The following SLCO3A1 variants were observed in gnomAD, a reference collection of about 807,000 sequenced individuals.
SLCO3A1 encodes the protein PGE1 transporter.
SLCO3A1 carries 27 observed loss-of-function variants against 63.1 expected under a neutral mutation model. The ratio of observed to expected loss-of-function variants is 0.43; its 90% CI spans 0.32 to 0.59. The LOEUF (loss-of-function observed/expected upper bound fraction) is 0.59, where lower values mean the gene tolerates loss of function less well. SLCO3A1 is among the 20% of genes least tolerant of loss of function. The pLI is 0.09. For missense variants in SLCO3A1, 773 were observed against 945.8 expected (o/e 0.82, Z 2.40); for synonymous variants, 473 against 409.9 (o/e 1.15, Z -1.86).
chr15:92,126,871 C>G (rs771296912), intron 6 of SLCO3A1, among the ~76,000 whole-genome samples: 2 of 152,212 alleles, frequency 1.3e-5, no homozygotes, highest in African/African-American at 4.8e-5. Flanking sequence ...TAGCTGTCCC[C>G]TTTTCCACAT....
intron 2 of SLCO3A1, among the ~76,000 whole-genome samples, chr15:91,936,101 C>G (rs529665079): frequency 6.6e-6 from 1 of 152,124 alleles, no homozygotes; most frequent in African/African-American, 2.4e-5. Context: ...TTAGCTTCCT[C>G]CCAGATACAA....
intron 2 of SLCO3A1, among the ~76,000 whole-genome samples, chr15:92,078,803 TA>T (rs1474458188): frequency 1.3e-5 from 2 of 152,204 alleles, no homozygotes; most frequent in African/African-American, 4.8e-5. Context: ...AATGAGGTAG[TA>T]CATGGAATGT....
At chr15:91,959,683 C>T (rs570207777) in intron 2 of SLCO3A1, among the ~76,000 whole-genome samples, 1 of 138,514 alleles carries the variant, frequency 7.2e-6, no homozygotes, top group African/African-American at 2.8e-5. Flanking sequence ...GAGATCACGC[C>T]ACTGCACTCC....
chr15:91,931,937 C>G (rs1420938268), intron 2 of SLCO3A1, among the ~76,000 whole-genome samples: 2 of 152,110 alleles, frequency 1.3e-5, no homozygotes, highest in African/African-American at 4.8e-5. Flanking sequence ...GTGATGTGAG[C>G]ATTGAAGAGA....
At chr15:91,938,549 A>G (rs1427226468) in intron 2 of SLCO3A1, among the ~76,000 whole-genome samples, 1 of 149,886 alleles carries the variant, frequency 6.7e-6, no homozygotes, top group African/African-American at 2.5e-5. Context: ...ATATCATTAC[A>G]GTAGCTTTTT....
At chr15:91,888,627 A>G (rs1897787138) in intron 1 of SLCO3A1, among the ~76,000 whole-genome samples, 1 of 152,182 alleles carries the variant, frequency 6.6e-6, no homozygotes, top group African/African-American at 2.4e-5. Context: ...TTAACCTGTA[A>G]AAGTGCTTAA....
intron 1 of SLCO3A1, among the ~76,000 whole-genome samples, chr15:91,880,170 C>CATCTATCTATCTATCTATCTATCTATCT (rs57860021): frequency 2.1e-4 from 27 of 126,256 alleles, no homozygotes; most frequent in African/African-American, 7.6e-4. Flanking sequence ...TCCATCCATC[C>CATCTATCTATCTATCTATCTATCTATCT]ATCTATCTAT....
intron 2 of SLCO3A1, among the ~76,000 whole-genome samples, chr15:92,021,536 G>A (rs937762084): frequency 1.3e-5 from 2 of 152,130 alleles, no homozygotes; most frequent in African/African-American, 4.8e-5. Context: ...CTCCTACAAG[G>A]CAAGAGGGTT....
At chr15:92,090,836 C>A (rs897377469) in intron 2 of SLCO3A1, among the ~76,000 whole-genome samples, 2 of 152,208 alleles carry the variant, frequency 1.3e-5, no homozygotes, top group Admixed American at 6.5e-5. Flanking sequence ...GTATGCCAGA[C>A]ACTTTTCTAA....
intron 2 of SLCO3A1, among the ~76,000 whole-genome samples, chr15:91,918,899 C>T (rs1402524437): frequency 6.6e-6 from 1 of 152,210 alleles, no homozygotes; most frequent in Non-Finnish European, 1.5e-5. Flanking sequence ...GTTCCAGCTC[C>T]TGCAGAGTTG....
intron 4 of SLCO3A1, among the ~76,000 whole-genome samples, chr15:92,107,955 C>T (rs1462660483): frequency 6.6e-6 from 1 of 152,210 alleles, no homozygotes; most frequent in Non-Finnish European, 1.5e-5. Flanking sequence ...GTCAGTGTCA[C>T]TGTTTATTCC....
chr15:92,044,782 C>G (rs1248526336), intron 2 of SLCO3A1, among the ~76,000 whole-genome samples: 1 of 152,120 alleles, frequency 6.6e-6, no homozygotes, highest in East Asian at 1.9e-4. Context: ...AAGTGCCACC[C>G]GATCTGTCCA....
intron 5 of SLCO3A1, among the ~76,000 whole-genome samples, chr15:92,123,831 G>A (rs1056649258): frequency 1.3e-5 from 2 of 152,052 alleles, no homozygotes; most frequent in Admixed American, 6.5e-5. Flanking sequence ...ATCTTCTATC[G>A]ACAAACAAAT....
intron 1 of SLCO3A1, among the ~76,000 whole-genome samples, chr15:91,877,452 C>T (rs565738601): frequency 8.5e-5 from 13 of 152,282 alleles, no homozygotes; most frequent in South Asian, 2.1e-4. Context: ...CACAAGAAAT[C>T]GCTATAAAGA....
chr15:91,887,828 C>T (rs927787914), intron 1 of SLCO3A1, among the ~76,000 whole-genome samples: 15 of 152,214 alleles, frequency 9.9e-5, no homozygotes, highest in African/African-American at 3.6e-4. Context: ...CCTCTCTGAA[C>T]CTCTCCTTCT....
intron 9 of SLCO3A1, among the ~76,000 whole-genome samples, chr15:92,155,420 G>A (rs1184133726): frequency 2.0e-5 from 3 of 152,176 alleles, no homozygotes; most frequent in Admixed American, 1.3e-4. Context: ...GCTGCAGTAG[G>A]AGAACAAAGC....
chr15:92,028,464 G>A lies in SLCO3A1; in HGVS notation c.647-66417G>A, dbSNP rs531883998. On this transcript the variant is annotated intron_variant, in intron 2 of 9. Coordinates refer to ENST00000318445, the MANE Select transcript of SLCO3A1 (RefSeq NM_013272.4). Reference sequence around the variant, plus strand: ...TTTCTACAGATGTTTATTGAACGCCGACAGCACTAGACAGCCAGTGTTCTA... The same window carrying A: ...TTTCTACAGATGTTTATTGAACGCCAACAGCACTAGACAGCCAGTGTTCTA... Among the ~76,000 whole-genome samples, 10 of 152,236 alleles carry A rather than the reference G, an allele frequency of 6.6e-5. No individual in the cohort carries two copies. In the South Asian group the frequency reaches 1.5e-3, roughly 22 times the overall value.
At chr15:92,083,072 T>G (rs990771213) in intron 2 of SLCO3A1, among the ~76,000 whole-genome samples, 1 of 152,204 alleles carries the variant, frequency 6.6e-6, no homozygotes, top group Non-Finnish European at 1.5e-5. Flanking sequence ...GAAAACTGTG[T>G]TTTCCCCCTG....
chr15:91,909,719 C>T (rs1177309167), intron 1 of SLCO3A1, among the ~76,000 whole-genome samples: 1 of 152,204 alleles, frequency 6.6e-6, no homozygotes, highest in South Asian at 2.1e-4. Flanking sequence ...GAGCATCCTG[C>T]TCTCACCCTT....
Sources: allele counts gnomAD v4.1 joint callset (sites outside exome capture counted in the v4.1 genomes callset), GRCh38; gene constraint gnomAD v4.1.1; transcripts MANE v1.5; gene names NCBI Gene and HGNC (gene_info 2026-07-23, HGNC 2026-07-21).